HEATR5B: variants seen among roughly 807,000 people sequenced by gnomAD.
HEATR5B encodes the protein HEAT repeat-containing protein 5B.
In HEATR5B, 156 loss-of-function variants were observed where a neutral mutation model predicts 224.1. The observed-to-expected ratio is 0.70, with a 90% CI of 0.61 to 0.80. The LOEUF is 0.80. HEATR5B is among the 30% of genes least tolerant of loss of function. The pLI is 0.00. For synonymous variants in HEATR5B, 1,027 were observed against 893.0 expected, an observed-to-expected ratio of 1.15 and a Z score of -2.68; for missense variants, 2,323 against 2,535.5, an observed-to-expected ratio of 0.92 and a Z score of 1.80.
intron 21 of HEATR5B, among the ~76,000 whole-genome samples, chr2:37,036,201 A>G (rs1669465262): frequency 1.3e-5 from 2 of 152,226 alleles, no homozygotes. Context: ...TCCCCTGCAG[A>G]GAACACCTTC....
chr2:37,058,876 T>C lies in HEATR5B; in HGVS notation c.1949+12A>G, dbSNP rs1290175951. 4 of 1,515,770 alleles carry C rather than the reference T, an allele frequency of 2.6e-6. No homozygotes were observed. The highest frequency in any genetic ancestry group is 2.7e-6 in the Non-Finnish European group (3 of 1,094,578). 93.9% of individuals were successfully genotyped at this position (1,515,770 alleles called of 1,614,324 possible). A position where few individuals can be genotyped will look rare whatever the true frequency, so the allele number is the denominator to read the frequency against. ...AAAATAGGATGTGAACTTGTCTCAA[T>C]CGCTTACTTACTGTGACATCATAGT... is the stretch of plus-strand genomic sequence containing the variant. On this transcript the variant is annotated intron_variant, in intron 13 of 35. Transcript: ENST00000233099.
At chr2:36,986,722 A>G (rs953987525) in intron 35 of HEATR5B, among the ~76,000 whole-genome samples, 3 of 152,072 alleles carry the variant, frequency 2.0e-5, no homozygotes, top group African/African-American at 4.8e-5. Flanking sequence ...GGTTCAAGCA[A>G]TTCTCCCGTC....
At chr2:37,019,455 T>C (rs1668329581) in intron 26 of HEATR5B, among the ~76,000 whole-genome samples, 1 of 150,916 alleles carries the variant, frequency 6.6e-6, no homozygotes, top group Non-Finnish European at 1.5e-5. Context: ...GTTTTTCCTC[T>C]CTCTCTTTTT....
intron 24 of HEATR5B, among the ~76,000 whole-genome samples, chr2:37,027,339 C>T (rs1166922538): frequency 6.6e-6 from 1 of 152,126 alleles, no homozygotes; most frequent in Non-Finnish European, 1.5e-5. Flanking sequence ...GGTACTGGGT[C>T]TGATGGTCTC....
At chr2:37,063,947 G>T (rs1667172974) in intron 10 of HEATR5B, among the ~76,000 whole-genome samples, 1 of 152,138 alleles carries the variant, frequency 6.6e-6, no homozygotes, top group African/African-American at 2.4e-5. Flanking sequence ...AAGTAGCTGG[G>T]ATTACAGGCA....
chr2:37,019,896 C>G lies in HEATR5B; in HGVS notation c.4036-19G>C, dbSNP rs1353904750. 6.4e-7 allele frequency: 1 copy of G among 1,550,702 alleles called. No homozygotes were observed. The highest frequency in any genetic ancestry group is 8.8e-7 in the Non-Finnish European group (1 of 1,133,286). On this transcript the variant is annotated intron_variant, in intron 25 of 35. Transcript: ENST00000233099. ...CTCCCACCTAGAAAAATAAATAAAG[C>G]ATTTTATTTTTTACTTTTATTTTTT...
intron 17 of HEATR5B, among the ~76,000 whole-genome samples, chr2:37,051,602 T>A (rs1670555087): frequency 6.6e-6 from 1 of 152,164 alleles, no homozygotes; most frequent in Admixed American, 6.6e-5. Context: ...GTTGGTTCAC[T>A]ACTCTCCCAA....
chr2:37,006,936 C>T (rs1667461989), intron 29 of HEATR5B, 114 bp downstream of exon 29: 2 of 941,440 alleles, frequency 2.1e-6, no homozygotes, highest in South Asian at 4.0e-5. Flanking sequence ...AATCCTTTCA[C>T]TTTTCCTTCT....
intron 26 of HEATR5B, among the ~76,000 whole-genome samples, chr2:37,016,359 C>T (rs903372136): frequency 2.0e-5 from 3 of 152,118 alleles, no homozygotes; most frequent in Non-Finnish European, 4.4e-5. Context: ...GATCTGCCTG[C>T]CTCAGCCTCC....
chr2:37,068,594 A>C (rs867645552), intron 8 of HEATR5B, 87 bp downstream of exon 8: 5 of 1,350,412 alleles, frequency 3.7e-6, no homozygotes, highest in Non-Finnish European at 5.1e-6. Flanking sequence ...AAGATAAACT[A>C]ATCAGTCTTA....
In HEATR5B at chr2:37,020,714, C is replaced by G. The variant is rs768311623; in HGVS notation, c.3976G>C (p.Ala1326Pro). The G allele has an allele frequency of 6.2e-7, 1 of 1,608,506 alleles. No individual in the cohort carries two copies. The change falls in exon 25 of 36, where the codon GCG becomes CCG. Residue 1326 changes from alanine to proline, a missense_variant. Ala to Pro is a conservative substitution (Grantham distance 27, BLOSUM62 -1). Around this residue, in one of 12 missense-constraint regions of HEATR5B, gnomAD observed 339 missense variants for 378.4 expected, o/e 0.90. Coordinates refer to ENST00000233099, the MANE Select transcript of HEATR5B (RefSeq NM_019024.3). ...GGAAATTCTGGCTCAGGCACAGACG[C>G]AAACTTCTTGATAATGTCTTCAAGC... Reference protein sequence around the residue: ...QALEDIIKKFASVPEPEFPGH... With the variant: ...QALEDIIKKFPSVPEPEFPGH...
chr2:37,064,933 G>T lies in HEATR5B; in HGVS notation c.1391C>A (p.Ala464Asp), dbSNP rs1423000059. The change falls in exon 10 of 36, where the codon GCT becomes GAT. Residue 464 changes from alanine to aspartate, a missense_variant. This residue lies in a region of HEATR5B where 502 missense variants were observed against 517.8 expected (regional missense o/e 0.97). Coordinates refer to ENST00000233099, the MANE Select transcript of HEATR5B (RefSeq NM_019024.3). ...LLHPSMAARLAAAWCLRCVAV... is the reference protein window; with the variant it reads ...LLHPSMAARLDAAWCLRCVAV... ...CACACAGCGCAAACACCATGCAGCA[G>T]CAAGTCGGGCAGCCATGCTTGGATG... 1 of 1,614,082 alleles carries T rather than the reference G, an allele frequency of 6.2e-7. No individual in the cohort carries two copies. Among genetic ancestry groups the T allele is most frequent in the Admixed American group, 1.7e-5 (1 of 59,998 alleles).
At chr2:37,041,067 A>G in intron 19 of HEATR5B, 66 bp downstream of exon 19, 1 of 1,312,990 alleles carries the variant, frequency 7.6e-7, no homozygotes, top group African/African-American at 1.5e-5. Context: ...TTTTTATTTC[A>G]TAGAGCAAAT....
At chr2:37,080,945 T>C (rs914261607) in intron 2 of HEATR5B, among the ~76,000 whole-genome samples, 4 of 152,148 alleles carry the variant, frequency 2.6e-5, no homozygotes, top group Non-Finnish European at 1.5e-5. Context: ...ATTGTTTAAT[T>C]TGGGTGGAGG....
rs760254184 is a variant in HEATR5B, at chr2:37,064,802, T to C, written c.1522A>G (p.Met508Val). The change falls in exon 10 of 36, where the codon ATG becomes GTG. Residue 508 changes from methionine to valine, a missense_variant. This residue lies in a region of HEATR5B where 502 missense variants were observed against 517.8 expected (regional missense o/e 0.97). Transcript: ENST00000233099. ...TGTACTCCACCTAACAAAGCAGCCA[T>C]TGCAAAACTATATCCACTGACAGCT... ...PEAVSGYSFA[M>V]AALLGGVHQC... 4 of 1,614,024 alleles carry C rather than the reference T, an allele frequency of 2.5e-6. No homozygotes were observed. The highest frequency in any genetic ancestry group is 2.2e-5 in the South Asian group (2 of 91,072).
At position 37,058,455 on chromosome 2, in the gene HEATR5B, A is replaced by C. The variant is rs369490725; in HGVS notation, c.2055T>G (p.Tyr685Ter). The C allele has an allele frequency of 2.5e-6, 4 of 1,592,440 alleles. No homozygotes were observed. The highest frequency in any genetic ancestry group is 1.7e-5 in the Admixed American group (1 of 59,866). ...TACCACAAATTTTTAATTTACCTTC[A>C]TAAGTTTTTGGAGGTAACAAAGCCA... ...DILALLPPKT[Y>*]EGSFNALLRE... The change falls in exon 14 of 36, where the codon TAT (tyrosine) becomes TAG (stop). Residue 685 changes from tyrosine (Y) to a stop codon, truncating the protein, a stop_gained. Transcript: ENST00000233099. LOFTEE classifies it high-confidence loss of function.
intron 26 of HEATR5B, among the ~76,000 whole-genome samples, chr2:37,015,138 T>C (rs1211330584): frequency 2.0e-5 from 3 of 152,132 alleles, no homozygotes; most frequent in African/African-American, 4.8e-5. Context: ...GGAATGGGAA[T>C]GTTTAGGTGT....
Position 36,981,840 on chromosome 2 carries a change from T to C in HEATR5B, c.5912-46A>G, listed in dbSNP as rs1665603023. On this transcript the variant is annotated intron_variant, in intron 35 of 35. Coordinates refer to ENST00000233099, the MANE Select transcript of HEATR5B (RefSeq NM_019024.3). ...AAAAAGATCACAAACATAAGGATTA[T>C]AATAAACTTTAAAAACTAGGCAATT... is the stretch of plus-strand genomic sequence containing the variant. The C allele has an allele frequency of 2.1e-6, 3 of 1,425,530 alleles. No individual in the cohort carries two copies. The Admixed American group carries it at 6.8e-5, about 32-fold the overall frequency. The allele number at this position is 1,425,530 out of a possible 1,614,324, so 88.3% of individuals were successfully genotyped here. A position where few individuals can be genotyped will look rare whatever the true frequency, so the allele number is the denominator to read the frequency against.
chr2:37,061,906 C>A lies in HEATR5B; in HGVS notation c.1696+33G>T, dbSNP rs757995156. 1.6e-5 allele frequency: 21 copies of A among 1,290,374 alleles called. No homozygotes were observed. In the Admixed American group the frequency reaches 3.1e-4, roughly 19 times the overall value. 79.9% of individuals were successfully genotyped at this position (1,290,374 alleles called of 1,614,324 possible). A position where few individuals can be genotyped will look rare whatever the true frequency, so the allele number is the denominator to read the frequency against. On this transcript the variant is annotated intron_variant, in intron 11 of 35. Coordinates refer to ENST00000233099, the MANE Select transcript of HEATR5B (RefSeq NM_019024.3). ...CTTTACAGGCTACTGACAGTTATAG[C>A]GTGACAAAAATCCTACTCAAATATA...
Sources: allele counts gnomAD v4.1 joint callset (sites outside exome capture counted in the v4.1 genomes callset), GRCh38; gene constraint gnomAD v4.1.1; regional missense constraint gnomAD v4.1.1; transcripts MANE v1.5; gene names NCBI Gene and HGNC (gene_info 2026-07-23, HGNC 2026-07-21).